RALGAPA2: variants seen among roughly 807,000 people sequenced by gnomAD.
RALGAPA2 encodes the protein ral GTPase-activating protein subunit alpha-2.
A neutral mutation model predicts 230.4 loss-of-function variants in RALGAPA2; 139 were observed. The observed-to-expected ratio is 0.60, with a 90% CI of 0.53 to 0.69. RALGAPA2 has a LOEUF of 0.69. Ranked by LOEUF, RALGAPA2 falls within the 30% of genes least tolerant of loss-of-function variation. RALGAPA2 has a pLI of 0.00. For synonymous variants in RALGAPA2, 847 were observed against 837.8 expected (o/e 1.01, Z -0.19); for missense variants, 2,163 against 2,276.0 (o/e 0.95, Z 1.01).
At chr20:20,683,485 A>G (rs1006459458) in intron 1 of RALGAPA2, among the ~76,000 whole-genome samples, 3 of 152,118 alleles carry the variant, frequency 2.0e-5, no homozygotes, top group African/African-American at 7.2e-5. Context: ...TTCACTCCCT[A>G]TCCTCTAACC....
chr20:20,546,917 C>T, intron 23 of RALGAPA2, 85 bp from the exon 24 acceptor site: 1 of 1,340,454 alleles, frequency 7.5e-7, no homozygotes, highest in Non-Finnish European at 9.9e-7. Flanking sequence ...CATATGACCA[C>T]TGTATAATAA....
chr20:20,617,585 C>T (rs979813094), intron 12 of RALGAPA2, among the ~76,000 whole-genome samples: 1 of 152,050 alleles, frequency 6.6e-6, no homozygotes, highest in Non-Finnish European at 1.5e-5. Flanking sequence ...TTGCACATTC[C>T]CATGTAAGGA....
intron 10 of RALGAPA2, among the ~76,000 whole-genome samples, chr20:20,622,538 A>G (rs902485186): frequency 3.9e-5 from 6 of 152,248 alleles, no homozygotes; most frequent in Non-Finnish European, 7.3e-5. Flanking sequence ...ATGGAAGCCA[A>G]GAAACAATGC....
At chr20:20,645,404 G>A (rs770324568) in intron 4 of RALGAPA2, among the ~76,000 whole-genome samples, 59 of 152,072 alleles carry the variant, frequency 3.9e-4, no homozygotes, top group African/African-American at 1.2e-3. Context: ...GTGAACCACC[G>A]TGCCCGGCCG....
rs970720764 is a variant in RALGAPA2 at position 20,608,351 on chromosome 20, G to A, written c.1801-2939C>T. Reference sequence around the variant, plus strand: ...ATACCATCAGAGCTTCAAGCATAAGGTCATATTTAGCACTGATAATAAATT... The same window carrying A: ...ATACCATCAGAGCTTCAAGCATAAGATCATATTTAGCACTGATAATAAATT... On this transcript the variant is annotated intron_variant, in intron 14 of 39. Coordinates refer to ENST00000202677, the MANE Select transcript of RALGAPA2 (RefSeq NM_020343.4). Among the ~76,000 whole-genome samples the A allele has an allele frequency of 1.2e-4, 18 of 152,210 alleles. No homozygotes were observed. In the South Asian group the frequency reaches 1.2e-3, roughly 11 times the overall value.
intron 23 of RALGAPA2, among the ~76,000 whole-genome samples, chr20:20,547,645 TTG>T (rs145560536): frequency 1.3e-5 from 2 of 151,630 alleles, no homozygotes; most frequent in Non-Finnish European, 3.0e-5. Flanking sequence ...GCAAGCGTGT[TTG>T]TGTGTGTGTG....
chr20:20,653,651 C>T (rs1184115750), intron 3 of RALGAPA2, 64 bp from the exon 4 acceptor site: 8 of 947,814 alleles, frequency 8.4e-6, no homozygotes, highest in Non-Finnish European at 1.1e-5. Context: ...ATGACAGGCC[C>T]ATATTACTCA....
chr20:20,538,686 A>G (rs1279999240), intron 24 of RALGAPA2, among the ~76,000 whole-genome samples: 1 of 152,160 alleles, frequency 6.6e-6, no homozygotes, highest in Non-Finnish European at 1.5e-5. Flanking sequence ...ACTTTTTGAA[A>G]TGCTTGTCCT....
In RALGAPA2 at chr20:20,508,267, A is replaced by G. The variant is rs1293515518; in HGVS notation, c.4929-2733T>C. 5.3e-5 allele frequency among the ~76,000 whole-genome samples: 8 copies of G among 152,254 alleles called. No homozygotes were observed. The East Asian group carries it at 1.3e-3, about 26-fold the overall frequency. ...ATTAAAGCCATGCTTTTGAAATGATAATTAGCAACATCAACAGCACTTCAC... is the reference window on the plus strand; with the variant it reads ...ATTAAAGCCATGCTTTTGAAATGATGATTAGCAACATCAACAGCACTTCAC... On this transcript the variant is annotated intron_variant, in intron 33 of 39. Transcript: ENST00000202677.
At chr20:20,597,821 A>G (rs911448801) in intron 16 of RALGAPA2, among the ~76,000 whole-genome samples, 2 of 152,210 alleles carry the variant, frequency 1.3e-5, no homozygotes, top group Non-Finnish European at 2.9e-5. Context: ...CCTGGGCAAC[A>G]GAGAGAGATT....
At chr20:20,547,714 C>A (rs1251120821) in intron 23 of RALGAPA2, among the ~76,000 whole-genome samples, 1 of 152,076 alleles carries the variant, frequency 6.6e-6, no homozygotes, top group Non-Finnish European at 1.5e-5. Context: ...AGCTGTTGGC[C>A]ATGTACATTA....
Position 20,591,266 on chromosome 20 carries a change from C to G in RALGAPA2, c.2252G>C (p.Gly751Ala). The G allele has an allele frequency of 1.2e-6, 2 of 1,613,848 alleles. No individual in the cohort carries two copies. The highest frequency in any genetic ancestry group is 1.7e-6 in the Non-Finnish European group (2 of 1,179,816). ...QSENAPAAGS[G>A]HLTVGQQQQV... ...CTGCTGCTGTCCCACTGTGAGATGG[C>G]CAGATCCGGCTGCAGGTGCATTTTC... Residue 751 changes from glycine (G) to alanine (A), a missense_variant, in exon 17 of 40, where the codon GGC (glycine) becomes GCC (alanine). Gly to Ala is a moderately conservative substitution (Grantham distance 60). Coordinates refer to ENST00000202677, the MANE Select transcript of RALGAPA2 (RefSeq NM_020343.4).
At chr20:20,396,501 G>T (rs988025640) in intron 39 of RALGAPA2, among the ~76,000 whole-genome samples, 194 bp downstream of exon 39, 1 of 152,250 alleles carries the variant, frequency 6.6e-6, no homozygotes, top group Non-Finnish European at 1.5e-5. Context: ...GCAGAAGAAA[G>T]GCAAGGCTGG....
At chr20:20,631,201 C>T (rs1043701367) in intron 9 of RALGAPA2, among the ~76,000 whole-genome samples, 1 of 152,192 alleles carries the variant, frequency 6.6e-6, no homozygotes, top group Non-Finnish European at 1.5e-5. Flanking sequence ...GAAAACAGAA[C>T]AAGAAGTCCC....
At chr20:20,701,254 T>A (rs1215737995) in intron 1 of RALGAPA2, among the ~76,000 whole-genome samples, 2 of 152,162 alleles carry the variant, frequency 1.3e-5, no homozygotes, top group East Asian at 3.8e-4. Flanking sequence ...TTGGGGCAGA[T>A]TAAATGCATT....
chr20:20,612,245 A>G (rs1487359641), intron 13 of RALGAPA2, among the ~76,000 whole-genome samples: 1 of 152,160 alleles, frequency 6.6e-6, no homozygotes, highest in East Asian at 1.9e-4. Flanking sequence ...CCTAGATTCT[A>G]TGGGAACACA....
intron 1 of RALGAPA2, among the ~76,000 whole-genome samples, chr20:20,696,073 G>A (rs2069103159): frequency 6.6e-6 from 1 of 152,030 alleles, no homozygotes; most frequent in African/African-American, 2.4e-5. Flanking sequence ...ATTGTTACAA[G>A]CTCAGGCCGC....
intron 12 of RALGAPA2, 56 bp downstream of exon 12, chr20:20,619,221 A>AAAT: frequency 6.8e-7 from 1 of 1,477,176 alleles, no homozygotes; most frequent in East Asian, 2.4e-5. Context: ...CAAAAAGACA[A>AAAT]AATGGCTCCA....
At chr20:20,614,877 T>G (rs908103959) in intron 13 of RALGAPA2, among the ~76,000 whole-genome samples, 4 of 151,978 alleles carry the variant, frequency 2.6e-5, no homozygotes, top group East Asian at 1.9e-4. Context: ...TGGTTTCAGG[T>G]AGGAAAGGTG....
Sources: gnomAD v4.1 joint callset for allele counts (sites outside exome capture counted in the v4.1 genomes callset) on GRCh38, gnomAD v4.1.1 for gene constraint, MANE v1.5 for transcripts, NCBI Gene and HGNC (gene_info 2026-07-23, HGNC 2026-07-21) for gene names.